The following TBL1X variants were observed in gnomAD, a reference collection of about 807,000 sequenced individuals.
The protein encoded by TBL1X is F-box-like/WD repeat-containing protein TBL1X.
A neutral mutation model predicts 50.7 loss-of-function variants in TBL1X; 10 were observed. The observed-to-expected ratio is 0.20, with a 90% CI of 0.12 to 0.33. The LOEUF is 0.33. TBL1X is among the 10% of genes least tolerant of loss of function. The pLI, the probability that TBL1X is intolerant of heterozygous loss-of-function variation, is 1.00. For missense variants in TBL1X, 340 were observed against 504.4 expected (o/e 0.67, Z 3.12); for synonymous variants, 190 against 214.7 (o/e 0.88, Z 1.01).
At chrX:9,536,255 ATTTTT>A (rs57650078) in intron 2 of TBL1X, among the ~76,000 whole-genome samples, 2 of 98,286 alleles carry the variant, frequency 2.0e-5, no homozygotes, top group African/African-American at 7.4e-5. Context: ...AGAATTGAGC[ATTTTT>A]TTTTTTTTTT....
chrX:9,709,489 C>T (rs1222977569), intron 14 of TBL1X, 144 bp from the exon 15 acceptor site: 27 of 990,720 alleles, frequency 2.7e-5, no homozygotes, highest in Non-Finnish European at 3.5e-5. Flanking sequence ...CACTGAGAAT[C>T]GCAGCCTCCC....
chrX:9,569,647 C>T (rs995756330), intron 2 of TBL1X, among the ~76,000 whole-genome samples: 2 of 111,608 alleles, frequency 1.8e-5, no homozygotes, highest in African/African-American at 6.5e-5. Flanking sequence ...GCCTAGGTGA[C>T]AGAGTGAGAC....
intron 2 of TBL1X, among the ~76,000 whole-genome samples, chrX:9,627,568 A>C (rs931250659): frequency 2.7e-5 from 3 of 112,523 alleles, no homozygotes; most frequent in Non-Finnish European, 5.6e-5. Context: ...AGTGTTAAAG[A>C]GTAACAAGAT....
chrX:9,588,070 A>C (rs1056423313), intron 2 of TBL1X, among the ~76,000 whole-genome samples: 1 of 112,304 alleles, frequency 8.9e-6, no homozygotes, highest in Non-Finnish European at 1.9e-5. Flanking sequence ...CCGTGGATTG[A>C]AAGTATTTGG....
At chrX:9,660,767 GCTT>G (rs1328429786) in intron 5 of TBL1X, among the ~76,000 whole-genome samples, 1 of 112,417 alleles carries the variant, frequency 8.9e-6, no homozygotes, top group African/African-American at 3.2e-5. Context: ...AAGTAGGCAT[GCTT>G]CTTTTATTTA....
At chrX:9,654,377 A>G in intron 5 of TBL1X, 55 bp downstream of exon 5, 1 of 1,131,501 alleles carries the variant, frequency 8.8e-7, no homozygotes, top group Admixed American at 2.3e-5. Context: ...TCTTACAAGC[A>G]GAAGGATCAA....
At chrX:9,584,606 G>A (rs1487942624) in intron 2 of TBL1X, among the ~76,000 whole-genome samples, 2 of 112,132 alleles carry the variant, frequency 1.8e-5, no homozygotes, top group Non-Finnish European at 3.8e-5. Context: ...AGAAAGCTTC[G>A]CATTTACAAT....
intron 15 of TBL1X, 32 bp from the exon 16 acceptor site, chrX:9,711,579 A>T (rs374801309): frequency 8.7e-6 from 10 of 1,145,937 alleles, no homozygotes; most frequent in Non-Finnish European, 3.5e-6. Context: ...CACCGTGTGT[A>T]TGTGATTTTG....
At chrX:9,666,433 T>TA (rs1275174920) in intron 5 of TBL1X, among the ~76,000 whole-genome samples, 14 of 110,682 alleles carry the variant, frequency 1.3e-4, no homozygotes, top group African/African-American at 3.0e-4. Context: ...AAAAAAGTGC[T>TA]AAAAAAAAAT....
chrX:9,534,713 G>A (rs1034073594), intron 2 of TBL1X, among the ~76,000 whole-genome samples: 1 of 111,183 alleles, frequency 9.0e-6, no homozygotes, highest in South Asian at 3.8e-4. Flanking sequence ...TCCCTTAATA[G>A]GATATTGTTA....
At chrX:9,712,899 A>G (rs1286868421) in intron 16 of TBL1X, among the ~76,000 whole-genome samples, 1 of 109,989 alleles carries the variant, frequency 9.1e-6, no homozygotes, top group African/African-American at 3.3e-5. Context: ...ATAATATGCT[A>G]GGAGCTGTTG....
intron 2 of TBL1X, among the ~76,000 whole-genome samples, chrX:9,599,667 A>G (rs2082544509): frequency 1.8e-5 from 2 of 112,422 alleles, no homozygotes; most frequent in African/African-American, 3.2e-5. Context: ...TCCTTATACA[A>G]GGCTCTGGCC....
At chrX:9,685,197 C>A (rs1472043147) in intron 6 of TBL1X, among the ~76,000 whole-genome samples, 1 of 112,071 alleles carries the variant, frequency 8.9e-6, no homozygotes, top group Admixed American at 9.4e-5. Flanking sequence ...CTCTCTTGTC[C>A]CCTCCTATTC....
At chrX:9,516,951 G>A (rs2082083363) in intron 2 of TBL1X, among the ~76,000 whole-genome samples, 1 of 111,609 alleles carries the variant, frequency 9.0e-6, no homozygotes, top group South Asian at 3.7e-4. Flanking sequence ...CAGGGTTTTG[G>A]GTCCTGAGAC....
chrX:9,674,605 AGGCTGGAGTGCAGT>A (rs1361566438), intron 5 of TBL1X, among the ~76,000 whole-genome samples: 1 of 93,674 alleles, frequency 1.1e-5, no homozygotes, highest in Admixed American at 1.3e-4. Flanking sequence ...TCTGTTGGCC[AGGCTGGAGTGCAGT>A]GGCACAATCA....
At chrX:9,646,191 G>A (rs2082803734) in intron 3 of TBL1X, among the ~76,000 whole-genome samples, 2 of 112,168 alleles carry the variant, frequency 1.8e-5, no homozygotes, top group African/African-American at 3.2e-5. Flanking sequence ...TCTTCATGGC[G>A]GCCTGATAGT....
At chrX:9,494,167 C>T (rs1601713297) in intron 1 of TBL1X, among the ~76,000 whole-genome samples, 2 of 111,569 alleles carry the variant, frequency 1.8e-5, no homozygotes, top group Admixed American at 9.5e-5. Flanking sequence ...GGCACCACAG[C>T]GGATTTGTAT....
rs63038662 is a variant in TBL1X, at chrX:9,523,960, CTTTTTTTTTTTTTT to C, written c.-131+22124_-131+22137del. 8.5e-3 allele frequency among the ~76,000 whole-genome samples: 348 copies of C among 40,833 alleles called. 1 individual carries two copies. The highest frequency in any genetic ancestry group is 0.034 in the Middle Eastern group (2 of 58). 35.5% of individuals were successfully genotyped at this position (40,833 alleles called of 115,157 possible). Reference sequence around the variant, plus strand: ...TAATATAAAATTTAGTCATTTTAACCTTTTTTTTTTTTTTTTTTTTTTTTTTAGACAGAGTCTCA... The same window carrying C: ...TAATATAAAATTTAGTCATTTTAACCTTTTTTTTTTTTAGACAGAGTCTCA... On this transcript the variant is annotated intron_variant, in intron 2 of 17. Transcript: ENST00000645353.
intron 2 of TBL1X, among the ~76,000 whole-genome samples, chrX:9,563,084 G>A (rs1360936362): frequency 8.9e-6 from 1 of 112,876 alleles, no homozygotes. Flanking sequence ...CCTACCCAGA[G>A]CATCCAGTAT....
Sources: allele counts gnomAD v4.1 joint callset (sites outside exome capture counted in the v4.1 genomes callset), GRCh38; gene constraint gnomAD v4.1.1; transcripts MANE v1.5; gene names NCBI Gene and HGNC (gene_info 2026-07-23, HGNC 2026-07-21).